SLC44A5: variants seen among roughly 807,000 people sequenced by gnomAD.
The protein encoded by SLC44A5 is solute carrier family 44 member 5.
Under a neutral mutation model 101.8 loss-of-function variants are expected in SLC44A5, and 57 were observed. That is an observed-to-expected ratio of 0.56 (90% CI 0.45 to 0.70). SLC44A5 has a LOEUF of 0.70. Among genes scored for constraint, SLC44A5 ranks in the 30% least tolerant of loss-of-function variants. The pLI, the probability that SLC44A5 is intolerant of heterozygous loss-of-function variation, is 0.00. For synonymous variants in SLC44A5, 281 were observed against 290.9 expected (o/e 0.97, Z 0.35); for missense variants, 737 against 853.1 (o/e 0.86, Z 1.70).
chr1:75,434,251 C>T (rs1422750413), intron 2 of SLC44A5, among the ~76,000 whole-genome samples: 1 of 152,166 alleles, frequency 6.6e-6, no homozygotes, highest in Non-Finnish European at 1.5e-5. Flanking sequence ...TCAGTGTCAA[C>T]AACTCTTGAT....
intron 2 of SLC44A5, among the ~76,000 whole-genome samples, chr1:75,506,891 G>A (rs1433308932): frequency 6.8e-6 from 1 of 147,586 alleles, no homozygotes; most frequent in Non-Finnish European, 1.5e-5. Context: ...ATCCTTGTCT[G>A]GTTCCTATTC....
chr1:75,609,946 TG>T (rs1675554697), intron 1 of SLC44A5, among the ~76,000 whole-genome samples: 1 of 152,048 alleles, frequency 6.6e-6, no homozygotes, highest in African/African-American at 2.4e-5. Flanking sequence ...TGGATAGCTC[TG>T]GGTCGGGGCT....
rs902136569 is a variant in SLC44A5, at chr1:75,287,626, A to C, written c.176-12584T>G. The stretch of plus-strand genomic sequence containing the variant: ...CAAGGGCCGCTGTTCAGATTATTTT[A>C]TCTCACAGGGTGCTTCCTTGATGTG... On this transcript the variant is annotated intron_variant, in intron 5 of 23. Coordinates refer to ENST00000370859, the MANE Select transcript of SLC44A5 (RefSeq NM_001130058.2). Among the ~76,000 whole-genome samples the C allele has an allele frequency of 4.0e-5, 6 of 151,802 alleles. No individual in the cohort carries two copies. The South Asian group carries it at 1.2e-3, about 32-fold the overall frequency.
At chr1:75,211,148 C>T (rs192118351) in intron 23 of SLC44A5, among the ~76,000 whole-genome samples, 2 of 152,118 alleles carry the variant, frequency 1.3e-5, no homozygotes, top group Non-Finnish European at 2.9e-5. Flanking sequence ...AAAGTTTGTA[C>T]CCTTTGACCA....
chr1:75,380,841 C>G (rs1365470459), intron 3 of SLC44A5, among the ~76,000 whole-genome samples: 2 of 81,674 alleles, frequency 2.4e-5, no homozygotes, highest in Non-Finnish European at 4.2e-5. Context: ...GGGTACCTGG[C>G]CCCACAGATG....
At chr1:75,674,601 A>G in the SLC44A5 span, among the ~76,000 whole-genome samples, 1 of 104,904 alleles carries the variant, frequency 9.5e-6, no homozygotes, top group African/African-American at 4.0e-5. Context: ...ACTGGTTTCG[A>G]ACTCCTGAGC....
chr1:75,467,043 A>G (rs1469865697), intron 2 of SLC44A5, among the ~76,000 whole-genome samples: 1 of 152,196 alleles, frequency 6.6e-6, no homozygotes, highest in East Asian at 1.9e-4. Context: ...GCCAATAATA[A>G]ACAATCTGAA....
intron 3 of SLC44A5, among the ~76,000 whole-genome samples, chr1:75,386,113 G>T (rs1661323077): frequency 1.3e-5 from 2 of 151,430 alleles, no homozygotes; most frequent in African/African-American, 2.4e-5. Flanking sequence ...TACTGAATGG[G>T]CAAAAACTGG....
intron 2 of SLC44A5, among the ~76,000 whole-genome samples, chr1:75,408,043 G>T (rs2101487128): frequency 6.6e-6 from 1 of 152,276 alleles, no homozygotes; most frequent in South Asian, 2.1e-4. Context: ...CCATCAAAAA[G>T]TGGGTGAAGG....
chr1:75,641,675 T>G, the SLC44A5 span: 1 of 1,504,704 alleles, frequency 6.6e-7, no homozygotes, highest in Non-Finnish European at 9.2e-7. Flanking sequence ...AAGAATACTA[T>G]ATACCTCTCT....
chr1:75,556,033 T>C (rs1006379028), intron 1 of SLC44A5, among the ~76,000 whole-genome samples: 8 of 152,056 alleles, frequency 5.3e-5, no homozygotes, highest in Non-Finnish European at 7.4e-5. Flanking sequence ...TCTATAGTGA[T>C]AGAAAGCATA....
intron 13 of SLC44A5, among the ~76,000 whole-genome samples, chr1:75,225,545 AT>A (rs1647178189): frequency 6.6e-6 from 1 of 152,202 alleles, no homozygotes; most frequent in Non-Finnish European, 1.5e-5. Flanking sequence ...GCTAAGAGAT[AT>A]ACACGAATTC....
chr1:75,593,070 G>C (rs149119143), intron 1 of SLC44A5, among the ~76,000 whole-genome samples: 36 of 152,186 alleles, frequency 2.4e-4, no homozygotes, highest in Non-Finnish European at 4.3e-4. Context: ...CAGAATGGGA[G>C]AAAATATTTG....
chr1:75,258,308 G>C (rs1570490500), intron 6 of SLC44A5, among the ~76,000 whole-genome samples: 1 of 152,060 alleles, frequency 6.6e-6, no homozygotes, highest in African/African-American at 2.4e-5. Context: ...CTCTCACTTT[G>C]AGCACAGCAG....
In SLC44A5 at chr1:75,540,994, C is replaced by T. The variant is rs114074380; in HGVS notation, c.13+441G>A. Among the ~76,000 whole-genome samples the T allele has an allele frequency of 5.1e-3, 780 of 152,308 alleles. 8 individuals carry two copies. Among genetic ancestry groups the T allele is most frequent in the African/African-American group, 0.018 (740 of 41,556 alleles). On this transcript the variant is annotated intron_variant, in intron 2 of 23. Transcript: ENST00000370859. ...GTATTGTTTCTCTAAGGAGCAAGCTCTAACTTTGTCTCAATACGAGAAAGG... is the reference window on the plus strand; with the variant it reads ...GTATTGTTTCTCTAAGGAGCAAGCTTTAACTTTGTCTCAATACGAGAAAGG...
chr1:75,660,984 CA>C, the SLC44A5 span, among the ~76,000 whole-genome samples: 15 of 151,990 alleles, frequency 9.9e-5, no homozygotes, highest in Non-Finnish European at 1.6e-4. Flanking sequence ...AATAGAAAAA[CA>C]ATCCTAAAAT....
intron 1 of SLC44A5, among the ~76,000 whole-genome samples, chr1:75,542,625 T>G (rs1161398298): frequency 6.6e-6 from 1 of 152,114 alleles, no homozygotes; most frequent in South Asian, 2.1e-4. Flanking sequence ...ATGCTTACAG[T>G]TTTTATTTCA....
At chr1:75,581,415 G>A (rs1673691282) in intron 1 of SLC44A5, among the ~76,000 whole-genome samples, 2 of 152,134 alleles carry the variant, frequency 1.3e-5, no homozygotes, top group Admixed American at 6.5e-5. Flanking sequence ...AGCCATTATG[G>A]TCCACTAGGT....
chr1:75,410,156 GC>G (rs533457804), intron 2 of SLC44A5, among the ~76,000 whole-genome samples: 283 of 152,144 alleles, frequency 1.9e-3, no homozygotes, highest in African/African-American at 6.2e-3. Flanking sequence ...GAGTGAAATT[GC>G]CCATATTTGT....
Sources: gnomAD v4.1 joint callset for allele counts (sites outside exome capture counted in the v4.1 genomes callset) on GRCh38, gnomAD v4.1.1 for gene constraint, MANE v1.5 for transcripts, NCBI Gene and HGNC (gene_info 2026-07-23, HGNC 2026-07-21) for gene names.